Variants in GRM8 observed in about 807,000 individuals in gnomAD.
GRM8 encodes the protein glutamate metabotropic receptor 8.
In GRM8, 47 loss-of-function variants were observed where a neutral mutation model predicts 87.2. The ratio of observed to expected loss-of-function variants is 0.54; its 90% CI spans 0.43 to 0.69. The LOEUF is 0.69. GRM8 is among the 30% of genes least tolerant of loss of function. GRM8 has a pLI of 0.00. For missense variants in GRM8, 1,019 were observed against 1,139.2 expected, an observed-to-expected ratio of 0.89 and a Z score of 1.52; for synonymous variants, 396 against 404.5, an observed-to-expected ratio of 0.98 and a Z score of 0.25.
intron 8 of GRM8, among the ~76,000 whole-genome samples, chr7:126,584,383 C>A (rs1011629292): frequency 4.6e-5 from 7 of 152,204 alleles, no homozygotes; most frequent in African/African-American, 1.2e-4. Flanking sequence ...CGCCACCATG[C>A]CCGACTAATT....
chr7:126,483,753 C>G (rs1584775632), intron 9 of GRM8, among the ~76,000 whole-genome samples: 1 of 53,518 alleles, frequency 1.9e-5, no homozygotes, highest in Non-Finnish European at 3.9e-5. Context: ...CCCTCCCTCC[C>G]TCCCTCCCTC....
intron 8 of GRM8, among the ~76,000 whole-genome samples, chr7:126,540,080 AT>A (rs1419131510): frequency 6.6e-6 from 1 of 152,256 alleles, no homozygotes; most frequent in African/African-American, 2.4e-5. Flanking sequence ...TCCAGAATAT[AT>A]TTTTTAAAAA....
At chr7:126,483,218 G>C (rs1418403366) in intron 9 of GRM8, among the ~76,000 whole-genome samples, 1 of 149,856 alleles carries the variant, frequency 6.7e-6, no homozygotes. Flanking sequence ...GAGATTTTAT[G>C]GTCTATTGAA....
intron 2 of GRM8, among the ~76,000 whole-genome samples, chr7:127,178,101 T>G (rs1024926506): frequency 4.6e-5 from 7 of 152,084 alleles, no homozygotes; most frequent in African/African-American, 1.7e-4. Flanking sequence ...ATCCAAAAAA[T>G]AATGCAAGAA....
chr7:126,527,057 A>G lies in GRM8; in HGVS notation c.2430+5895T>C, dbSNP rs1813960814. ...TTCAAATGACTGTGAACTGACAAGGAAAGAAAATGTTATATAGTTGGCTGG... is the reference window on the plus strand; with the variant it reads ...TTCAAATGACTGTGAACTGACAAGGGAAGAAAATGTTATATAGTTGGCTGG... On this transcript the variant is annotated intron_variant, in intron 9 of 10. Coordinates refer to ENST00000339582, the MANE Select transcript of GRM8 (RefSeq NM_000845.3). 4.6e-5 allele frequency among the ~76,000 whole-genome samples: 7 copies of G among 152,194 alleles called. No homozygotes were observed. In the South Asian group the frequency reaches 1.4e-3, roughly 32 times the overall value.
chr7:127,132,136 C>A (rs1188098415), intron 2 of GRM8, among the ~76,000 whole-genome samples: 3 of 152,122 alleles, frequency 2.0e-5, no homozygotes, highest in African/African-American at 7.2e-5. Context: ...AAATCTGAGG[C>A]CTGGATTTGG....
In GRM8 at chr7:126,769,936, C is replaced by G. The variant is rs1818649890; in HGVS notation, c.1286G>C (p.Gly429Ala). 1 of 1,612,742 alleles carries G rather than the reference C, an allele frequency of 6.2e-7. No homozygotes were observed. Among genetic ancestry groups the G allele is most frequent in the African/African-American group, 1.3e-5 (1 of 74,872 alleles). Residue 429 changes from glycine (G) to alanine (A), a missense_variant, in exon 7 of 11, where the codon GGC becomes GCC. Transcript: ENST00000339582. Reference protein sequence around the residue: ...MHKDLCPGYIGLCPRMSTIDG... With the variant: ...MHKDLCPGYIALCPRMSTIDG... ...AATGGTACTCATTCGTGGACAAAGG[C>G]CAATGTATCCAGGGCAGAGATCTTT...
At chr7:126,908,772 A>G (rs1187234142) in intron 3 of GRM8, among the ~76,000 whole-genome samples, 1 of 152,188 alleles carries the variant, frequency 6.6e-6, no homozygotes, top group Admixed American at 6.5e-5. Context: ...CTCACCTCAT[A>G]TCTTTCAACC....
At chr7:127,132,578 T>C (rs1290329033) in intron 2 of GRM8, among the ~76,000 whole-genome samples, 4 of 151,836 alleles carry the variant, frequency 2.6e-5, no homozygotes, top group African/African-American at 9.7e-5. Context: ...CTGGAAATAG[T>C]GTGTGGGAGA....
At chr7:127,162,267 C>A (rs773665189) in intron 2 of GRM8, among the ~76,000 whole-genome samples, 9 of 152,192 alleles carry the variant, frequency 5.9e-5, no homozygotes, top group Non-Finnish European at 1.3e-4. Flanking sequence ...GGCTCCAAGC[C>A]TTTGGGGCAG....
At chr7:127,178,916 A>G (rs1019922164) in intron 2 of GRM8, among the ~76,000 whole-genome samples, 15 of 152,196 alleles carry the variant, frequency 9.9e-5, no homozygotes, top group African/African-American at 3.4e-4. Flanking sequence ...CAGGACCTAT[A>G]AAACAAAAAT....
intron 3 of GRM8, among the ~76,000 whole-genome samples, chr7:127,070,487 G>A (rs1586912508): frequency 6.6e-6 from 1 of 152,014 alleles, no homozygotes; most frequent in African/African-American, 2.4e-5. Context: ...AGTTCTTTCT[G>A]AAATAATGCA....
intron 6 of GRM8, among the ~76,000 whole-genome samples, chr7:126,809,563 G>A (rs1355345330): frequency 1.3e-5 from 2 of 152,076 alleles, no homozygotes; most frequent in Non-Finnish European, 2.9e-5. Context: ...TAACACTCCC[G>A]TTCTGCCAGT....
At chr7:127,137,761 A>G (rs545763783) in intron 2 of GRM8, among the ~76,000 whole-genome samples, 19 of 152,148 alleles carry the variant, frequency 1.2e-4, no homozygotes, top group Non-Finnish European at 2.5e-4. Flanking sequence ...TACTAGGTGA[A>G]TTTCTTGTTT....
At position 126,874,844 on chromosome 7, in the gene GRM8, C is replaced by T. The variant is rs149356762; in HGVS notation, c.1156+27698G>A. ...TTGTTTAACAGTCCATGTTGCAGGA[C>T]CTTCCACAATAGAATCAATGTATTA... On this transcript the variant is annotated intron_variant, in intron 6 of 10. Coordinates refer to ENST00000339582, the MANE Select transcript of GRM8 (RefSeq NM_000845.3). Among the ~76,000 whole-genome samples, 443 of 152,206 alleles carry T rather than the reference C, an allele frequency of 2.9e-3. 3 individuals carry two copies. Among genetic ancestry groups the T allele is most frequent in the African/African-American group, 0.01 (425 of 41,548 alleles).
At chr7:126,791,274 TATC>T (rs1326316902) in intron 6 of GRM8, among the ~76,000 whole-genome samples, 2 of 152,246 alleles carry the variant, frequency 1.3e-5, no homozygotes, top group African/African-American at 4.8e-5. Flanking sequence ...ATAATTGATA[TATC>T]TTCTCTTGCT....
intron 6 of GRM8, among the ~76,000 whole-genome samples, chr7:126,886,268 G>T (rs976941445): frequency 3.9e-5 from 6 of 152,050 alleles, no homozygotes; most frequent in Non-Finnish European, 7.4e-5. Flanking sequence ...GACAAATGAT[G>T]AAATTTCATG....
intron 7 of GRM8, among the ~76,000 whole-genome samples, chr7:126,702,828 G>A (rs753100470): frequency 3.3e-5 from 5 of 152,152 alleles, no homozygotes; most frequent in Admixed American, 6.6e-5. Flanking sequence ...TTAAAATGGA[G>A]TGGTTTCTGT....
intron 6 of GRM8, among the ~76,000 whole-genome samples, chr7:126,809,530 C>A (rs1296223934): frequency 6.6e-6 from 1 of 152,158 alleles, no homozygotes; most frequent in East Asian, 1.9e-4. Context: ...CAAAGACCTT[C>A]CCATACTCTA....
Sources: allele counts gnomAD v4.1 joint callset (sites outside exome capture counted in the v4.1 genomes callset), GRCh38; gene constraint gnomAD v4.1.1; transcripts MANE v1.5; gene names NCBI Gene and HGNC (gene_info 2026-07-23, HGNC 2026-07-21).